ZNF560: variants seen among roughly 807,000 people sequenced by gnomAD.
ZNF560 encodes zinc finger protein 560.
Under a neutral mutation model 81.8 loss-of-function variants are expected in ZNF560, and 54 were observed. The observed-to-expected ratio is 0.66, with a 90% CI of 0.53 to 0.83. The LOEUF is 0.83. Ranked by LOEUF, ZNF560 falls within the 40% of genes least tolerant of loss-of-function variation. The pLI is 0.00. For synonymous variants in ZNF560, 321 were observed against 317.9 expected, an observed-to-expected ratio of 1.01 and a Z score of -0.10; for missense variants, 940 against 932.4, an observed-to-expected ratio of 1.01 and a Z score of -0.11.
intron 2 of ZNF560, among the ~76,000 whole-genome samples, chr19:9,496,806 C>T (rs1327830419): frequency 6.6e-6 from 1 of 151,618 alleles, no homozygotes; most frequent in Non-Finnish European, 1.5e-5. Context: ...CGAGGTGGCA[C>T]GTGCCTGAAA....
At chr19:9,475,490 T>C (rs369633243) in intron 2 of ZNF560, 121 bp from the exon 3 acceptor site, 26 of 606,630 alleles carry the variant, frequency 4.3e-5, no homozygotes, top group South Asian at 2.1e-4. Flanking sequence ...CACATAAATA[T>C]ACATTACATC....
chr19:9,469,375 C>A (rs948767730), intron 8 of ZNF560, among the ~76,000 whole-genome samples, 188 bp from the exon 9 acceptor site: 12 of 151,886 alleles, frequency 7.9e-5, no homozygotes, highest in African/African-American at 2.7e-4. Flanking sequence ...AGCAATACTA[C>A]CAGGGAAGGA....
rs778313161 is a variant in ZNF560, at chr19:9,468,314, C to G, written c.633G>C (p.Glu211Asp). The change falls in exon 10 of 10, where the codon GAG becomes GAC. Residue 211 changes from glutamate to aspartate, a missense_variant. Coordinates refer to ENST00000301480, the MANE Select transcript of ZNF560 (RefSeq NM_152476.3). ...GIQLARNQNG[E>D]ELYDCKQCED... The stretch of plus-strand genomic sequence containing the variant: ...CACATTGCTTACAGTCATAGAGTTC[C>G]TCTCCATTTTGGTTTCTTGCCTGTT... 13 of 1,594,282 alleles carry G rather than the reference C, an allele frequency of 8.2e-6. No individual in the cohort carries two copies. The highest frequency in any genetic ancestry group is 1.1e-5 in the Non-Finnish European group (13 of 1,172,606).
At chr19:9,449,524 G>A in the ZNF560 span, among the ~76,000 whole-genome samples, 20 of 152,110 alleles carry the variant, frequency 1.3e-4, no homozygotes, top group African/African-American at 4.6e-4. Context: ...TGTTTAGAGT[G>A]CTAAAACACC....
intron 2 of ZNF560, among the ~76,000 whole-genome samples, chr19:9,481,841 T>A (rs1235528958): frequency 1.3e-5 from 2 of 152,198 alleles, no homozygotes; most frequent in Non-Finnish European, 2.9e-5. Context: ...GTAAACTAGT[T>A]CAACCATTGT....
chr19:9,501,908 T>C (rs928937695), upstream of ZNF560, among the ~76,000 whole-genome samples: 1 of 151,970 alleles, frequency 6.6e-6, no homozygotes, highest in Non-Finnish European at 1.5e-5. Context: ...ATGCCAGCAC[T>C]TTGGGAGACC....
chr19:9,455,229 A>G, the ZNF560 span, among the ~76,000 whole-genome samples: 2 of 152,176 alleles, frequency 1.3e-5, no homozygotes, highest in Non-Finnish European at 2.9e-5. Context: ...TAAACAGGCT[A>G]TCAATCAGTA....
upstream of ZNF560, among the ~76,000 whole-genome samples, chr19:9,500,547 C>T (rs896036580): frequency 6.6e-6 from 1 of 151,920 alleles, no homozygotes; most frequent in African/African-American, 2.4e-5. Flanking sequence ...CGTTTTGTCA[C>T]GTTGAATAAA....
intron 7 of ZNF560, among the ~76,000 whole-genome samples, chr19:9,470,061 T>A (rs1040306897): frequency 6.6e-6 from 1 of 152,210 alleles, no homozygotes; most frequent in Non-Finnish European, 1.5e-5. Flanking sequence ...AAAACTCCCA[T>A]TCCAGTAGTT....
chr19:9,469,059 TC>T lies in ZNF560; in HGVS notation c.612+45del, dbSNP rs1296480374. 5 of 1,436,414 alleles carry T rather than the reference TC, an allele frequency of 3.5e-6. No individual in the cohort carries two copies. In the African/African-American group the frequency reaches 5.7e-5, roughly 16 times the overall value. The allele number at this position is 1,436,414 out of a possible 1,614,324, so 89.0% of individuals were successfully genotyped here. A position where few individuals can be genotyped will look rare whatever the true frequency, so the allele number is the denominator to read the frequency against. On this transcript the variant is annotated intron_variant, in intron 9 of 9. Coordinates refer to ENST00000301480, the MANE Select transcript of ZNF560 (RefSeq NM_152476.3). ...GCTGATTTCTATAATGCAATACCAGTCTTCTCTGAATGTGAAAAATAAGAAA... is the reference window on the plus strand; with the variant it reads ...GCTGATTTCTATAATGCAATACCAGTTTCTCTGAATGTGAAAAATAAGAAA...
intron 2 of ZNF560, among the ~76,000 whole-genome samples, chr19:9,491,224 C>G (rs2073467599): frequency 6.6e-6 from 1 of 152,064 alleles, no homozygotes; most frequent in African/African-American, 2.4e-5. Flanking sequence ...GTGATCCTCC[C>G]ACCTCAGCCT....
At chr19:9,474,371 C>T (rs372240235) in intron 3 of ZNF560, 46 bp from the exon 4 acceptor site, 6 of 1,570,378 alleles carry the variant, frequency 3.8e-6, no homozygotes, top group Non-Finnish European at 5.2e-6. Context: ...AACAGATTAA[C>T]CAGTGTTCAC....
intron 2 of ZNF560, among the ~76,000 whole-genome samples, chr19:9,492,223 C>G (rs2073485364): frequency 6.6e-6 from 1 of 152,038 alleles, no homozygotes; most frequent in African/African-American, 2.4e-5. Flanking sequence ...CCAGGTTAGT[C>G]TTGAACCAAG....
At chr19:9,487,170 C>T (rs997394009) in intron 2 of ZNF560, among the ~76,000 whole-genome samples, 1 of 152,224 alleles carries the variant, frequency 6.6e-6, no homozygotes, top group Non-Finnish European at 1.5e-5. Context: ...TGCTTCCCTC[C>T]TTTGTTCATG....
chr19:9,446,790 A>G, the ZNF560 span, among the ~76,000 whole-genome samples: 1 of 152,164 alleles, frequency 6.6e-6, no homozygotes, highest in East Asian at 1.9e-4. Context: ...ATATCTAGAG[A>G]TATTCACCTG....
At position 9,468,311 on chromosome 19, in the gene ZNF560, T is replaced by C. The variant is rs2073066518; in HGVS notation, c.636A>G (p.Glu212=). The change falls in exon 10 of 10, where the codon GAA becomes GAG. Residue 212 remains glutamate, a synonymous_variant. Coordinates refer to ENST00000301480, the MANE Select transcript of ZNF560 (RefSeq NM_152476.3). ...CTTCACATTGCTTACAGTCATAGAG[T>C]TCCTCTCCATTTTGGTTTCTTGCCT... ...IQLARNQNGE[E]LYDCKQCEDV... The C allele has an allele frequency of 1.9e-6, 3 of 1,594,734 alleles. No homozygotes were observed. The East Asian group carries it at 6.7e-5, about 36-fold the overall frequency.
chr19:9,462,896 A>C (rs2072956080), downstream of ZNF560, among the ~76,000 whole-genome samples: 2 of 152,260 alleles, frequency 1.3e-5, no homozygotes, highest in Admixed American at 6.5e-5. Context: ...AAAGCATTCA[A>C]TAAATTCTTA....
upstream of ZNF560, chr19:9,498,688 G>A (rs2073602366): frequency 6.6e-6 from 1 of 152,348 alleles, no homozygotes; most frequent in African/African-American, 2.4e-5. Flanking sequence ...AGTTGGACAG[G>A]ATGGAACTCT....
the ZNF560 span, among the ~76,000 whole-genome samples, chr19:9,447,297 G>A: frequency 6.6e-6 from 1 of 152,018 alleles, no homozygotes; most frequent in African/African-American, 2.4e-5. Flanking sequence ...CAGATGAGAA[G>A]GAAACTGTAA....
Sources: gnomAD v4.1 joint callset for allele counts (sites outside exome capture counted in the v4.1 genomes callset) on GRCh38, gnomAD v4.1.1 for gene constraint, MANE v1.5 for transcripts, NCBI Gene and HGNC (gene_info 2026-07-23, HGNC 2026-07-21) for gene names.